The following TANC2 variants were observed in gnomAD, a reference collection of about 807,000 sequenced individuals.
The protein encoded by TANC2 is protein TANC2.
TANC2 carries 26 observed loss-of-function variants against 210.5 expected under a neutral mutation model. That is an observed-to-expected ratio of 0.12 (90% CI 0.09 to 0.17). The LOEUF (loss-of-function observed/expected upper bound fraction) is 0.17, where lower values mean the gene tolerates loss of function less well. TANC2 is among the 10% of genes least tolerant of loss of function. The probability of loss-of-function intolerance (pLI) is 1.00; values close to 1 mark genes in which losing one functional copy is unlikely to be tolerated. For synonymous variants in TANC2, 931 were observed against 967.1 expected, an observed-to-expected ratio of 0.96 and a Z score of 0.69; for missense variants, 2,129 against 2,608.9, an observed-to-expected ratio of 0.82 and a Z score of 4.01.
chr17:63,284,664 A>G lies in TANC2; in HGVS notation c.1159+16791A>G, dbSNP rs182792978. ...TTTATACAGAATTTTTTACGGCCCA[A>G]AATATAGTCTGTCTTCATAAATGTT... On this transcript the variant is annotated intron_variant, in intron 9 of 27. Coordinates refer to ENST00000689528, the Ensembl canonical transcript of TANC2. Among the ~76,000 whole-genome samples the G allele has an allele frequency of 5.4e-3, 826 of 152,128 alleles. 11 individuals carry two copies. Among genetic ancestry groups the G allele is most frequent in the African/African-American group, 0.019 (795 of 41,540 alleles).
chr17:63,042,818 A>T (rs192637486), intron 2 of TANC2, among the ~76,000 whole-genome samples: 18 of 152,152 alleles, frequency 1.2e-4, no homozygotes, highest in African/African-American at 4.1e-4. Context: ...CATTCTTGGA[A>T]TGGGGAGGTG....
chr17:63,103,068 T>C (rs773608131), intron 4 of TANC2, among the ~76,000 whole-genome samples: 2 of 152,194 alleles, frequency 1.3e-5, no homozygotes, highest in Non-Finnish European at 2.9e-5. Context: ...AGGAAGGTCC[T>C]GGAACCAGTC....
chr17:63,213,084 A>G (rs1434060561), intron 7 of TANC2, among the ~76,000 whole-genome samples: 1 of 152,230 alleles, frequency 6.6e-6, no homozygotes, highest in Non-Finnish European at 1.5e-5. Context: ...GATTATTTAT[A>G]AAGTCTATGA....
intron 7 of TANC2, among the ~76,000 whole-genome samples, chr17:63,214,381 T>G (rs1182970653): frequency 6.6e-6 from 1 of 152,196 alleles, no homozygotes; most frequent in Non-Finnish European, 1.5e-5. Flanking sequence ...CCCATGAGAA[T>G]TGTTCAAATC....
chr17:63,130,149 T>C (rs1018154293), intron 4 of TANC2, among the ~76,000 whole-genome samples: 2 of 152,190 alleles, frequency 1.3e-5, no homozygotes, highest in Non-Finnish European at 2.9e-5. Context: ...ATATTTCCTC[T>C]CCAGTATCCA....
At chr17:63,042,525 T>C (rs1477433361) in intron 2 of TANC2, among the ~76,000 whole-genome samples, 1 of 152,124 alleles carries the variant, frequency 6.6e-6, no homozygotes, top group African/African-American at 2.4e-5. Context: ...AAGATATCTT[T>C]TGTTGAAAGA....
chr17:63,175,197 A>G (rs911329556), intron 5 of TANC2, among the ~76,000 whole-genome samples: 1 of 152,204 alleles, frequency 6.6e-6, no homozygotes, highest in Non-Finnish European at 1.5e-5. Flanking sequence ...AATAAAGTTA[A>G]AGGACTTATT....
intron 3 of TANC2, among the ~76,000 whole-genome samples, chr17:63,097,355 T>A (rs189314889): frequency 2.6e-3 from 398 of 152,224 alleles, no homozygotes; most frequent in Middle Eastern, 6.8e-3. Flanking sequence ...CTTTGCCCAT[T>A]TTTAAATTGG....
chr17:63,387,259 G>C (rs1449288203), intron 15 of TANC2, among the ~76,000 whole-genome samples: 1 of 152,088 alleles, frequency 6.6e-6, no homozygotes, highest in Non-Finnish European at 1.5e-5. Context: ...CCTTTAAAAC[G>C]TTCGTGTATC....
chr17:63,408,556 T>G (rs1401855621), intron 21 of TANC2, among the ~76,000 whole-genome samples: 2 of 152,232 alleles, frequency 1.3e-5, no homozygotes, highest in Non-Finnish European at 2.9e-5. Context: ...GAAAACGCCT[T>G]GGATTCTGTT....
At chr17:63,055,876 G>A (rs1394132064) in intron 2 of TANC2, among the ~76,000 whole-genome samples, 1 of 145,966 alleles carries the variant, frequency 6.9e-6, no homozygotes, top group Non-Finnish European at 1.5e-5. Flanking sequence ...CAGGTGCAGT[G>A]CTTACGCCTG....
intron 8 of TANC2, among the ~76,000 whole-genome samples, chr17:63,247,003 T>C (rs1174345813): frequency 6.6e-6 from 1 of 152,182 alleles, no homozygotes; most frequent in Non-Finnish European, 1.5e-5. Flanking sequence ...TGAAATGATA[T>C]CTCATGAGGT....
intron 4 of TANC2, 112 bp from the exon 5 acceptor site, chr17:63,151,158 T>G: frequency 5.7e-6 from 2 of 349,264 alleles, no homozygotes; most frequent in Non-Finnish European, 4.0e-6. Flanking sequence ...CCCTCTATGT[T>G]TCTCTCTTTC....
chr17:63,397,301 T>A (rs2048197453), intron 18 of TANC2, among the ~76,000 whole-genome samples: 1 of 151,942 alleles, frequency 6.6e-6, no homozygotes, highest in South Asian at 2.1e-4. Flanking sequence ...ACAAAAAGAA[T>A]ATGTTGCACA....
In TANC2 at chr17:63,320,564, T is replaced by C. The variant is rs377287073; in HGVS notation, c.1575+1474T>C. The C allele has an allele frequency of 1.1e-4, 16 of 152,374 alleles. No homozygotes were observed. The East Asian group carries it at 2.9e-3, about 28-fold the overall frequency. The allele number at this position is 152,374 out of a possible 1,614,324, so 9.4% of individuals were successfully genotyped here. A position where few individuals can be genotyped will look rare whatever the true frequency, so the allele number is the denominator to read the frequency against. On this transcript the variant is annotated intron_variant, in intron 11 of 27. Coordinates refer to ENST00000689528, the Ensembl canonical transcript of TANC2. ...TAAAAGCATCATTATTCTATGCTTATACTTGCTTATTTGTTTGACACAGTA... is the reference window on the plus strand; with the variant it reads ...TAAAAGCATCATTATTCTATGCTTACACTTGCTTATTTGTTTGACACAGTA...
At chr17:63,287,830 A>T (rs1204994425) in intron 9 of TANC2, among the ~76,000 whole-genome samples, 1 of 151,936 alleles carries the variant, frequency 6.6e-6, no homozygotes, top group African/African-American at 2.4e-5. Context: ...GAGCACCACC[A>T]TGCCTGGCTA....
At chr17:63,061,137 T>C (rs1049310228) in intron 2 of TANC2, among the ~76,000 whole-genome samples, 1 of 151,876 alleles carries the variant, frequency 6.6e-6, no homozygotes, top group African/African-American at 2.4e-5. Context: ...GAGGCCGAGG[T>C]GGGCGGATCA....
At chr17:63,275,274 A>G (rs2043837611) in intron 9 of TANC2, among the ~76,000 whole-genome samples, 1 of 152,192 alleles carries the variant, frequency 6.6e-6, no homozygotes, top group Non-Finnish European at 1.5e-5. Context: ...CTCATTACAT[A>G]AAAAGCCATT....
intron 4 of TANC2, chr17:63,150,716 G>T (rs2039620673): frequency 6.6e-6 from 1 of 152,156 alleles, no homozygotes; most frequent in South Asian, 2.1e-4. Context: ...GATTAGGCCT[G>T]ATGGCTTATA....
Sources: gnomAD v4.1 joint callset for allele counts (sites outside exome capture counted in the v4.1 genomes callset) on GRCh38, gnomAD v4.1.1 for gene constraint, MANE v1.5 for transcripts, NCBI Gene and HGNC (gene_info 2026-07-23, HGNC 2026-07-21) for gene names.